ACOT11: variants seen among roughly 807,000 people sequenced by gnomAD.
The protein encoded by ACOT11 is acyl-CoA thioesterase 11.
Under a neutral mutation model 77.5 loss-of-function variants are expected in ACOT11, and 69 were observed. That is an observed-to-expected ratio of 0.89 (90% CI 0.73 to 1.09). The LOEUF (loss-of-function observed/expected upper bound fraction) is 1.09. ACOT11 is among the 50% of genes least tolerant of loss of function. The probability of loss-of-function intolerance (pLI) is 0.00; values close to 1 mark genes in which losing one functional copy is unlikely to be tolerated. For synonymous variants in ACOT11, 279 were observed against 313.0 expected (o/e 0.89, Z 1.15); for missense variants, 766 against 813.7 (o/e 0.94, Z 0.71).
chr1:54,590,919 T>C (rs1159748552), intron 3 of ACOT11, among the ~76,000 whole-genome samples: 1 of 152,106 alleles, frequency 6.6e-6, no homozygotes, highest in Non-Finnish European at 1.5e-5. Context: ...CATGCTCAGC[T>C]TATTTATTTA....
At position 54,609,335 on chromosome 1, in the gene ACOT11, G is replaced by T. The variant is rs1415817435; in HGVS notation, c.*223G>T. ...CTGGGGTAGCCTGTAGTAGACTCGG[G>T]TCCTGTCCACAGCCCTAGCTGCCAG... On this transcript the variant is annotated 3_prime_UTR_variant, in exon 16 of 16. Coordinates refer to ENST00000343744, the MANE Select transcript of ACOT11 (RefSeq NM_147161.4). 1 of 1,614,064 alleles carries T rather than the reference G, an allele frequency of 6.2e-7. No individual in the cohort carries two copies. Among genetic ancestry groups the T allele is most frequent in the Non-Finnish European group, 8.5e-7 (1 of 1,179,944 alleles).
Position 54,610,061 on chromosome 1 carries a change from TCTGTCAA to T in ACOT11, c.*951_*957del. ...CATCAAGGACCTTGCCTCTCTGGAA[TCTGTCAA>T]CCCAGTTTTGGGCTCCAGGTGGATG... On this transcript the variant is annotated 3_prime_UTR_variant, in exon 16 of 16. Coordinates refer to ENST00000343744, the MANE Select transcript of ACOT11 (RefSeq NM_147161.4). 6.9e-7 allele frequency: 1 copy of T among 1,442,268 alleles called. No individual in the cohort carries two copies. Among genetic ancestry groups the T allele is most frequent in the Admixed American group, 2.8e-5 (1 of 36,240 alleles). 89.3% of individuals were successfully genotyped at this position (1,442,268 alleles called of 1,614,324 possible).
At chr1:54,562,541 G>T (rs1341964671) in intron 1 of ACOT11, among the ~76,000 whole-genome samples, 1 of 91,786 alleles carries the variant, frequency 1.1e-5, no homozygotes, top group East Asian at 2.8e-4. Flanking sequence ...CGGGCGGGGG[G>T]CTGACCCACC....
downstream of ACOT11, chr1:54,612,418 A>T (rs2101015822): frequency 1.7e-6 from 2 of 1,156,756 alleles, no homozygotes; most frequent in Admixed American, 1.9e-5. Flanking sequence ...TCCAGCCATG[A>T]GCTTCTGGGA....
At chr1:54,602,794 C>T in intron 10 of ACOT11, 70 bp downstream of exon 10, 1 of 1,413,372 alleles carries the variant, frequency 7.1e-7, no homozygotes, top group Non-Finnish European at 9.3e-7. Context: ...CCCCAGGGCA[C>T]TCGCTTTTCT....
Position 54,584,549 on chromosome 1 carries a change from G to T in ACOT11, c.34-106G>T. 9.1e-7 allele frequency: 1 copy of T among 1,102,480 alleles called. No individual in the cohort carries two copies. The highest frequency in any genetic ancestry group is 1.6e-5 in the South Asian group (1 of 63,890). 68.3% of individuals were successfully genotyped at this position (1,102,480 alleles called of 1,614,324 possible). A position where few individuals can be genotyped will look rare whatever the true frequency, so the allele number is the denominator to read the frequency against. On this transcript the variant is annotated intron_variant, in intron 1 of 15. Transcript: ENST00000343744. The surrounding 1 kb of genome is among the most constrained non-coding windows in gnomAD (Gnocchi z 6.3). ...TGGGGTCTGGTGGGAGGTGGCCCTA[G>T]GTACTCTCTCTCCCCCAGACCCTAA... is the stretch of plus-strand genomic sequence containing the variant.
At chr1:54,611,655 G>C (rs976999517), downstream of ACOT11, 4 of 1,613,932 alleles carry the variant, frequency 2.5e-6, no homozygotes, top group East Asian at 2.2e-5. Context: ...TGTCATAGTA[G>C]ACTTGGTGGA....
chr1:54,575,137 G>A (rs997512067), intron 1 of ACOT11, among the ~76,000 whole-genome samples: 30 of 152,140 alleles, frequency 2.0e-4, no homozygotes, highest in African/African-American at 4.6e-4. Context: ...TATTCACCTC[G>A]TGGTGCCGAG....
chr1:54,574,840 C>T (rs1298899712), intron 1 of ACOT11, among the ~76,000 whole-genome samples: 3 of 152,222 alleles, frequency 2.0e-5, no homozygotes, highest in African/African-American at 7.2e-5. Context: ...AGTCCCCATC[C>T]AGCCCAGCTG....
intron 13 of ACOT11, among the ~76,000 whole-genome samples, chr1:54,606,006 C>A (rs946233540): frequency 6.6e-6 from 1 of 152,330 alleles, no homozygotes; most frequent in East Asian, 1.9e-4. Context: ...GTCCGCTGGT[C>A]ACTTGGTGAA....
At chr1:54,570,944 A>G (rs1044812000) in intron 1 of ACOT11, among the ~76,000 whole-genome samples, 3 of 152,138 alleles carry the variant, frequency 2.0e-5, no homozygotes, top group Non-Finnish European at 2.9e-5. Context: ...CGGCCTCCCA[A>G]AGTGCTGGGA....
At chr1:54,611,493 C>T, downstream of ACOT11, 1 of 1,088,816 alleles carries the variant, frequency 9.2e-7, no homozygotes, top group South Asian at 1.5e-5. Context: ...TCCTGTCCCA[C>T]CCCGGCCTTC....
At chr1:54,613,253 G>T (rs1236954170), downstream of ACOT11, among the ~76,000 whole-genome samples, 2 of 152,024 alleles carry the variant, frequency 1.3e-5, no homozygotes, top group African/African-American at 2.4e-5. Context: ...GTGGCGCATG[G>T]CTATAATCCC....
chr1:54,597,326 G>T lies in ACOT11; in HGVS notation c.675G>T (p.Leu225=). The change falls in exon 7 of 16, where the codon CTG becomes CTT. Residue 225 remains leucine (L), a synonymous_variant. Coordinates refer to ENST00000343744, the MANE Select transcript of ACOT11 (RefSeq NM_147161.4). ...AEKTRVESVE[L]VLPPHANHQG... ...AGACCCGTGTGGAGAGTGTGGAGCT[G>T]GTCCTGCCTCCCCACGCCAATCACC... 1 of 1,613,866 alleles carries T rather than the reference G, an allele frequency of 6.2e-7. No homozygotes were observed. Among genetic ancestry groups the T allele is most frequent in the Non-Finnish European group, 8.5e-7 (1 of 1,179,998 alleles).
chr1:54,622,034 G>A (rs1464311740), intron 15 of ACOT11, among the ~76,000 whole-genome samples: 1 of 152,160 alleles, frequency 6.6e-6, no homozygotes, highest in Non-Finnish European at 1.5e-5. Context: ...AGCACTTTGG[G>A]AGGCCAAGGT....
At chr1:54,619,968 A>C (rs1557674112) in intron 15 of ACOT11, 1 of 1,614,172 alleles carries the variant, frequency 6.2e-7, no homozygotes, top group Non-Finnish European at 8.5e-7. Flanking sequence ...CAGGTAGTCC[A>C]GCATGTCGGC....
intron 3 of ACOT11, among the ~76,000 whole-genome samples, chr1:54,590,129 C>A (rs1654656851): frequency 6.6e-6 from 1 of 151,860 alleles, no homozygotes; most frequent in African/African-American, 2.4e-5. Context: ...CTGTAGATAC[C>A]CACCAATCCT....
chr1:54,614,939 G>GGTGTGTGT (rs71045199), downstream of ACOT11: 3,440 of 1,198,218 alleles, frequency 2.9e-3, 6 homozygotes, highest in African/African-American at 6.0e-3. Flanking sequence ...AAGCAGAGCG[G>GGTGTGTGT]GTGTGTGTGT....
At chr1:54,580,738 T>C (rs1654277274) in intron 1 of ACOT11, among the ~76,000 whole-genome samples, 1 of 152,228 alleles carries the variant, frequency 6.6e-6, no homozygotes, top group Non-Finnish European at 1.5e-5. Context: ...GGGTGGCAAC[T>C]GTGAGGACAG....
Sources: gnomAD v4.1 joint callset for allele counts (sites outside exome capture counted in the v4.1 genomes callset) on GRCh38, gnomAD v4.1.1 for gene constraint, Gnocchi (gnomAD v3.1) non-coding constraint, MANE v1.5 for transcripts, NCBI Gene and HGNC (gene_info 2026-07-23, HGNC 2026-07-21) for gene names.